Variants in RARB observed in about 807,000 individuals in gnomAD.
RARB encodes HBV-activated protein.
A neutral mutation model predicts 51.9 loss-of-function variants in RARB; 17 were observed. The observed-to-expected ratio is 0.33, with a 90% CI of 0.22 to 0.49. RARB has a LOEUF of 0.49. Ranked by LOEUF, RARB falls within the 20% of genes least tolerant of loss-of-function variation. The probability of loss-of-function intolerance (pLI) is 0.99; values close to 1 mark genes in which losing one functional copy is unlikely to be tolerated. For missense variants in RARB, 369 were observed against 550.8 expected (o/e 0.67, Z 3.30); for synonymous variants, 215 against 195.4 (o/e 1.10, Z -0.84).
At chr3:25,350,933 A>G (rs1301645307) in intron 5 of RARB, among the ~76,000 whole-genome samples, 3 of 152,134 alleles carry the variant, frequency 2.0e-5, no homozygotes, top group African/African-American at 7.2e-5. Flanking sequence ...ATGGACATCA[A>G]TCATGGGGTT....
At chr3:25,575,632 C>T (rs969843543) in intron 4 of RARB, among the ~76,000 whole-genome samples, 8 of 152,162 alleles carry the variant, frequency 5.3e-5, no homozygotes, top group African/African-American at 1.7e-4. Flanking sequence ...CCCTGTGTTT[C>T]TTCACATCGT....
chr3:24,974,989 A>G (rs1478278378), intron 2 of RARB, among the ~76,000 whole-genome samples: 4 of 152,144 alleles, frequency 2.6e-5, no homozygotes, highest in Admixed American at 6.6e-5. Flanking sequence ...ACCTATGGCT[A>G]TTGACTGGTG....
chr3:25,550,393 G>A (rs1352209960), intron 3 of RARB, among the ~76,000 whole-genome samples: 1 of 152,082 alleles, frequency 6.6e-6, no homozygotes, highest in Non-Finnish European at 1.5e-5. Context: ...GGAAGTCCAA[G>A]ATCAAGGCAC....
At chr3:25,335,302 A>C (rs371709623) in intron 5 of RARB, among the ~76,000 whole-genome samples, 4 of 152,206 alleles carry the variant, frequency 2.6e-5, no homozygotes, top group East Asian at 1.9e-4. Flanking sequence ...AATTCTAAGC[A>C]CAATGCTAGA....
At chr3:25,160,457 T>C (rs192965321) in intron 4 of RARB, among the ~76,000 whole-genome samples, 3 of 152,190 alleles carry the variant, frequency 2.0e-5, no homozygotes, top group African/African-American at 7.2e-5. Flanking sequence ...GGAGTTTTCA[T>C]AGCCAGCAGT....
At chr3:25,592,192 A>T (rs1559483140) in intron 5 of RARB, among the ~76,000 whole-genome samples, 1 of 152,226 alleles carries the variant, frequency 6.6e-6, no homozygotes, top group Non-Finnish European at 1.5e-5. Flanking sequence ...CTCTCTGCAC[A>T]TGGCTGTGTA....
At chr3:24,894,795 A>C (rs527755061) in intron 2 of RARB, among the ~76,000 whole-genome samples, 1 of 152,322 alleles carries the variant, frequency 6.6e-6, no homozygotes, top group East Asian at 1.9e-4. Flanking sequence ...GGGTCAGAGA[A>C]ACAGAAATGA....
At chr3:25,497,484 C>T (rs1029302340) in intron 2 of RARB, among the ~76,000 whole-genome samples, 1 of 152,184 alleles carries the variant, frequency 6.6e-6, no homozygotes, top group Non-Finnish European at 1.5e-5. Context: ...AGAAACTCCC[C>T]AAGTCTCACT....
intron 5 of RARB, among the ~76,000 whole-genome samples, chr3:25,384,881 A>G (rs1169415674): frequency 6.6e-6 from 1 of 152,242 alleles, no homozygotes; most frequent in Non-Finnish European, 1.5e-5. Flanking sequence ...TGTTTACCCA[A>G]TTAAGTGCAT....
At chr3:25,314,633 A>G (rs535800554) in intron 5 of RARB, among the ~76,000 whole-genome samples, 1 of 152,218 alleles carries the variant, frequency 6.6e-6, no homozygotes, top group South Asian at 2.1e-4. Flanking sequence ...TTTTCCTCCT[A>G]TCTAAATGTC....
intron 3 of RARB, among the ~76,000 whole-genome samples, chr3:25,567,160 G>T (rs922884604): frequency 6.6e-6 from 1 of 152,176 alleles, no homozygotes; most frequent in Non-Finnish European, 1.5e-5. Context: ...TATAATTCAC[G>T]TAGCATAACA....
intron 2 of RARB, among the ~76,000 whole-genome samples, chr3:24,896,015 A>T (rs1007661651): frequency 6.6e-6 from 1 of 152,186 alleles, no homozygotes; most frequent in African/African-American, 2.4e-5. Context: ...ATACAGTGGC[A>T]TATTGTTTGG....
chr3:25,009,899 C>G (rs1229035660), intron 2 of RARB, among the ~76,000 whole-genome samples: 1 of 152,018 alleles, frequency 6.6e-6, no homozygotes, highest in Non-Finnish European at 1.5e-5. Context: ...TAACTGAACC[C>G]GATTTGAACC....
intron 2 of RARB, among the ~76,000 whole-genome samples, chr3:24,977,700 CAG>C (rs1488181005): frequency 6.6e-6 from 1 of 152,158 alleles, no homozygotes; most frequent in African/African-American, 2.4e-5. Context: ...CATCTGCAAA[CAG>C]AGACAATTTG....
intron 5 of RARB, chr3:25,258,993 C>G: frequency 1.0e-6 from 1 of 968,022 alleles, no homozygotes; most frequent in Non-Finnish European, 1.2e-6. Flanking sequence ...TTGCTGGGGA[C>G]AAACCATAGT....
In RARB at chr3:24,900,035, A is replaced by T. The variant is rs558996538; in HGVS notation, c.-380+41283A>T. Reference sequence around the variant, plus strand: ...GACAGCAACCATAATAAATTAAAATAAAATTCAGTCTTGATTGATGTTATA... The same window carrying T: ...GACAGCAACCATAATAAATTAAAATTAAATTCAGTCTTGATTGATGTTATA... On this transcript the variant is annotated intron_variant, in intron 2 of 11. Coordinates refer to the RARB transcript ENST00000383772. Among the ~76,000 whole-genome samples the T allele has an allele frequency of 5.6e-4, 85 of 152,376 alleles. 2 individuals carry two copies. In the South Asian group the frequency reaches 0.017, roughly 30 times the overall value.
intron 3 of RARB, among the ~76,000 whole-genome samples, chr3:25,062,609 A>G (rs1464835930): frequency 1.3e-5 from 2 of 152,078 alleles, no homozygotes; most frequent in East Asian, 1.9e-4. Context: ...GATACTTGCT[A>G]TAACCTGGAT....
chr3:25,312,475 G>T (rs1287616405), intron 5 of RARB, among the ~76,000 whole-genome samples: 1 of 152,076 alleles, frequency 6.6e-6, no homozygotes, highest in Non-Finnish European at 1.5e-5. Flanking sequence ...TAACTCCTCT[G>T]GTCAAGTATA....
intron 2 of RARB, among the ~76,000 whole-genome samples, chr3:24,904,783 C>T (rs1694818324): frequency 6.6e-6 from 1 of 152,150 alleles, no homozygotes; most frequent in African/African-American, 2.4e-5. Context: ...CAATGATAGG[C>T]TGGATAAAGG....
Sources: allele counts gnomAD v4.1 joint callset (sites outside exome capture counted in the v4.1 genomes callset), GRCh38; gene constraint gnomAD v4.1.1; transcripts MANE v1.5; gene names NCBI Gene and HGNC (gene_info 2026-07-23, HGNC 2026-07-21).